The following REV1 variants were observed in gnomAD, a reference collection of about 807,000 sequenced individuals.
REV1 encodes the protein REV1 DNA directed polymerase.
REV1 carries 42 observed loss-of-function variants against 137.4 expected under a neutral mutation model. The observed-to-expected ratio is 0.31, with a 90% confidence interval of 0.24 to 0.40. The LOEUF is 0.40. Ranked by LOEUF, REV1 falls within the 10% of genes least tolerant of loss-of-function variation. REV1 has a pLI of 1.00. For missense variants in REV1, 1,282 were observed against 1,490.1 expected (o/e 0.86, Z 2.30); for synonymous variants, 524 against 519.2 (o/e 1.01, Z -0.12).
intron 3 of REV1, among the ~76,000 whole-genome samples, chr2:99,454,149 G>T (rs1300958896): frequency 6.6e-6 from 1 of 151,912 alleles, no homozygotes; most frequent in Non-Finnish European, 1.5e-5. Context: ...GAAAGATTTG[G>T]GAGGCTGAGG....
chr2:99,415,291 A>G (rs1292025080), intron 12 of REV1, among the ~76,000 whole-genome samples: 1 of 152,238 alleles, frequency 6.6e-6, no homozygotes, highest in African/African-American at 2.4e-5. Context: ...GAAAAGGTGA[A>G]GGAAAATATG....
chr2:99,483,689 A>G (rs1361477157), intron 1 of REV1, among the ~76,000 whole-genome samples: 1 of 152,240 alleles, frequency 6.6e-6, no homozygotes, highest in Admixed American at 6.5e-5. Flanking sequence ...GTAATTTTAC[A>G]AGAACATATC....
chr2:99,441,603 G>C (rs956738967), intron 5 of REV1, among the ~76,000 whole-genome samples: 5 of 152,168 alleles, frequency 3.3e-5, no homozygotes, highest in Admixed American at 2.6e-4. Flanking sequence ...AAATAACCCA[G>C]AAATATTAAC....
chr2:99,403,563 A>G lies in REV1; in HGVS notation c.3166+132T>C, dbSNP rs1184167061. 2.7e-6 allele frequency: 3 copies of G among 1,110,722 alleles called. No individual in the cohort carries two copies. In the African/African-American group the frequency reaches 4.6e-5, roughly 17 times the overall value. 68.8% of individuals were successfully genotyped at this position (1,110,722 alleles called of 1,614,324 possible). ...TATTTACTCATACTGTATACTTCAG[A>G]TATTATCCCAATATGAAGAGCTCTT... On this transcript the variant is annotated intron_variant, in intron 19 of 22. Coordinates refer to ENST00000258428, the MANE Select transcript of REV1 (RefSeq NM_016316.4).
rs1254880617 is a variant in REV1, at chr2:99,487,752, T to C, written c.-11+2065A>G. On this transcript the variant is annotated intron_variant, in intron 1 of 22. Coordinates refer to ENST00000258428, the MANE Select transcript of REV1 (RefSeq NM_016316.4). ...AAGCAGAAAGACCCACAATGCTCTTTAGTGTAGGACTTGTTCATTTATTTG... is the reference window on the plus strand; with the variant it reads ...AAGCAGAAAGACCCACAATGCTCTTCAGTGTAGGACTTGTTCATTTATTTG... Among the ~76,000 whole-genome samples, 3 of 118,738 alleles carry C rather than the reference T, an allele frequency of 2.5e-5. 1 individual carries two copies. The highest frequency in any genetic ancestry group is 5.5e-5 in the Non-Finnish European group (3 of 54,500). The allele number at this position is 118,738 out of a possible 152,430, so 77.9% of individuals were successfully genotyped here. A position where few individuals can be genotyped will look rare whatever the true frequency, so the allele number is the denominator to read the frequency against.
chr2:99,411,022 C>T, intron 13 of REV1, among the ~76,000 whole-genome samples, 155 bp from the exon 14 acceptor site: 1 of 152,202 alleles, frequency 6.6e-6, no homozygotes, highest in East Asian at 1.9e-4. Flanking sequence ...CGCGGTGGCT[C>T]ACACCTGTAA....
intron 13 of REV1, 151 bp downstream of exon 13, chr2:99,412,580 G>A: frequency 1.6e-6 from 1 of 632,634 alleles, no homozygotes; most frequent in South Asian, 2.0e-5. Context: ...TTACCACACA[G>A]TGCCTTAAAA....
At chr2:99,433,917 T>C (rs1394596751) in intron 8 of REV1, among the ~76,000 whole-genome samples, 1 of 152,018 alleles carries the variant, frequency 6.6e-6, no homozygotes, top group African/African-American at 2.4e-5. Context: ...TGGAGAATGA[T>C]TACTGGTGTT....
In REV1 at chr2:99,435,931, T is replaced by C; in HGVS notation, c.1224A>G (p.Ser408=). 6.4e-7 allele frequency: 1 copy of C among 1,574,384 alleles called. No homozygotes were observed. Among genetic ancestry groups the C allele is most frequent in the Non-Finnish European group, 8.7e-7 (1 of 1,146,622 alleles). Residue 408 remains serine (S), a synonymous_variant, in exon 7 of 23, where the codon TCA becomes TCG. Coordinates refer to ENST00000258428, the MANE Select transcript of REV1 (RefSeq NM_016316.4). ...ALVVTDTGDM[S]VLNSPRHQSC... is the part of the protein sequence containing the mutation. ...TCTGATGTCTGGGAGAATTCAATAC[T>C]GACATATCTCCTAGAAGGAAAAAGA...
intron 11 of REV1, among the ~76,000 whole-genome samples, chr2:99,420,896 G>C (rs1277296574): frequency 1.3e-5 from 2 of 152,196 alleles, no homozygotes; most frequent in African/African-American, 4.8e-5. Context: ...TAATGAGTGG[G>C]TTAAGAAAGG....
chr2:99,424,366 C>A, intron 9 of REV1, 86 bp from the exon 10 acceptor site: 1 of 1,337,142 alleles, frequency 7.5e-7, no homozygotes, highest in Admixed American at 2.2e-5. Context: ...TCTCCCCATG[C>A]CACTAATTTA....
intron 1 of REV1, among the ~76,000 whole-genome samples, chr2:99,477,920 T>C (rs768475214): frequency 1.3e-5 from 2 of 152,166 alleles, no homozygotes; most frequent in Non-Finnish European, 2.9e-5. Flanking sequence ...GGGAAAGAAG[T>C]AGAGACACTG....
chr2:99,433,718 CA>C (rs879349647), intron 8 of REV1, among the ~76,000 whole-genome samples: 1 of 151,626 alleles, frequency 6.6e-6, no homozygotes, highest in African/African-American at 2.4e-5. Flanking sequence ...AATCAGTTAC[CA>C]AAAAAAATTT....
Position 99,401,156 on chromosome 2 carries a change from C to A in REV1, c.*85G>T. 1.4e-6 allele frequency: 1 copy of A among 719,854 alleles called. No homozygotes were observed. Among genetic ancestry groups the A allele is most frequent in the East Asian group, 2.7e-5 (1 of 37,548 alleles). The allele number at this position is 719,854 out of a possible 1,614,324, so 44.6% of individuals were successfully genotyped here. On this transcript the variant is annotated 3_prime_UTR_variant, in exon 23 of 23. Coordinates refer to ENST00000258428, the MANE Select transcript of REV1 (RefSeq NM_016316.4). ...AAGAAATTTAAAATTATAAAAACTC[C>A]GAGCATTACTATCATGCACTTTGCA... is the stretch of plus-strand genomic sequence containing the variant.
At chr2:99,435,801 C>T in intron 7 of REV1, 33 bp downstream of exon 7, 1 of 1,018,194 alleles carries the variant, frequency 9.8e-7, no homozygotes, top group Non-Finnish European at 1.5e-6. Flanking sequence ...AACAATATAT[C>T]AGTTTTCTTA....
intron 1 of REV1, among the ~76,000 whole-genome samples, chr2:99,470,262 A>C (rs1394882865): frequency 6.6e-6 from 1 of 152,248 alleles, no homozygotes; most frequent in Non-Finnish European, 1.5e-5. Context: ...TGATGGTTAC[A>C]TATCTGTAAC....
chr2:99,487,872 A>G (rs2104338419), intron 1 of REV1, among the ~76,000 whole-genome samples: 1 of 118,224 alleles, frequency 8.5e-6, no homozygotes, highest in East Asian at 2.2e-4. Flanking sequence ...GAACTGCAAT[A>G]AACAGGTATA....
chr2:99,435,700 G>A (rs572619042), intron 7 of REV1, 134 bp downstream of exon 7: 7 of 542,576 alleles, frequency 1.3e-5, no homozygotes, highest in African/African-American at 4.0e-5. Context: ...CCTGATAATC[G>A]AATATAGAAA....
In REV1 at chr2:99,465,024, C is replaced by A; in HGVS notation, c.-10-39G>T. 4 of 1,439,924 alleles carry A rather than the reference C, an allele frequency of 2.8e-6. No homozygotes were observed. The East Asian group carries it at 6.8e-5, about 25-fold the overall frequency. The allele number at this position is 1,439,924 out of a possible 1,614,324, so 89.2% of individuals were successfully genotyped here. A position where few individuals can be genotyped will look rare whatever the true frequency, so the allele number is the denominator to read the frequency against. On this transcript the variant is annotated intron_variant, in intron 1 of 22. Transcript: ENST00000258428. ...GAAAAAAAAAATGTCAATTTTATAA[C>A]ATAATGTATTTCTAAATGATATTTT... is the stretch of plus-strand genomic sequence containing the variant.
Sources: allele counts gnomAD v4.1 joint callset (sites outside exome capture counted in the v4.1 genomes callset), GRCh38; gene constraint gnomAD v4.1.1; transcripts MANE v1.5; gene names NCBI Gene and HGNC (gene_info 2026-07-23, HGNC 2026-07-21).